The following COL9A1 variants were observed in gnomAD, a reference collection of about 807,000 sequenced individuals.
The protein encoded by COL9A1 is collagen alpha-1(IX) chain.
A neutral mutation model predicts 142.6 loss-of-function variants in COL9A1; 104 were observed. The ratio of observed to expected loss-of-function variants is 0.73; its 90% CI spans 0.62 to 0.86. COL9A1 has a LOEUF of 0.86. Ranked by LOEUF, COL9A1 falls within the 40% of genes least tolerant of loss-of-function variation. The pLI is 0.00. For missense variants in COL9A1, 1,210 were observed against 1,176.6 expected (o/e 1.03, Z -0.42); for synonymous variants, 466 against 396.0 (o/e 1.18, Z -2.10).
intron 10 of COL9A1, 70 bp downstream of exon 10, chr6:70,280,742 C>T (rs1302280894): frequency 4.6e-6 from 7 of 1,519,704 alleles, no homozygotes; most frequent in Non-Finnish European, 6.3e-6. Flanking sequence ...TCCCCCCCCA[C>T]AAAACACACA....
At chr6:70,280,784 G>A (rs753367509) in intron 10 of COL9A1, 28 bp downstream of exon 10, 1 of 1,604,690 alleles carries the variant, frequency 6.2e-7, no homozygotes, top group Admixed American at 1.7e-5. Flanking sequence ...CCCCAGGCTG[G>A]GCGCCCTCCC....
intron 25 of COL9A1, 109 bp downstream of exon 25, chr6:70,254,367 T>C (rs1485496761): frequency 2.1e-6 from 2 of 946,638 alleles, no homozygotes; most frequent in African/African-American, 3.3e-5. Context: ...AAGTAAAACA[T>C]CATATCTTCC....
chr6:70,271,808 A>C (rs1772420346), intron 13 of COL9A1, 100 bp from the exon 14 acceptor site: 1 of 1,257,648 alleles, frequency 8.0e-7, no homozygotes, highest in African/African-American at 1.5e-5. Flanking sequence ...ACATTTCTGT[A>C]TTAGCTTTGG....
chr6:70,220,248 C>A (rs918281575), intron 37 of COL9A1, among the ~76,000 whole-genome samples: 1 of 152,100 alleles, frequency 6.6e-6, no homozygotes, highest in Non-Finnish European at 1.5e-5. Context: ...TTTTCTCATG[C>A]ATAAACTGAG....
chr6:70,293,406 T>A (rs1773724766), intron 5 of COL9A1, among the ~76,000 whole-genome samples: 1 of 152,162 alleles, frequency 6.6e-6, no homozygotes, highest in South Asian at 2.1e-4. Context: ...TGTGTCAACA[T>A]GTAATTCCTT....
Position 70,283,728 on chromosome 6 carries a change from G to T in COL9A1, c.780+9C>A. ...AGAAGTGGCCTTTGCAGGTAGTCAGGGGACTCACCGTTATTCTGGCTGGCA... is the reference window on the plus strand; with the variant it reads ...AGAAGTGGCCTTTGCAGGTAGTCAGTGGACTCACCGTTATTCTGGCTGGCA... On this transcript the variant is annotated intron_variant, in intron 6 of 37. Transcript: ENST00000357250. 6.2e-7 allele frequency: 1 copy of T among 1,607,578 alleles called. No homozygotes were observed. The highest frequency in any genetic ancestry group is 1.3e-5 in the African/African-American group (1 of 74,892).
At chr6:70,273,977 A>AAAG in intron 12 of COL9A1, 70 bp downstream of exon 12, 1 of 849,158 alleles carries the variant, frequency 1.2e-6, no homozygotes, top group Admixed American at 3.2e-5. Context: ...ATAAATAAAA[A>AAAG]GATTTCACAA....
rs1208726729 is a variant in COL9A1 at position 70,300,090 on chromosome 6, C to G, written c.252G>C (p.Gln84His). 4 of 1,613,916 alleles carry G rather than the reference C, an allele frequency of 2.5e-6. No individual in the cohort carries two copies. Among genetic ancestry groups the G allele is most frequent in the East Asian group, 2.2e-5 (1 of 44,858 alleles). Residue 84 changes from glutamine (Q) to histidine (H), a missense_variant, in exon 4 of 38, where the codon CAG becomes CAC. Physicochemically the swap from Gln to His is conservative, Grantham distance 24 (BLOSUM62 0). Coordinates refer to ENST00000357250, the MANE Select transcript of COL9A1 (RefSeq NM_001851.6). ...IQRVVGSATL[Q>H]VAYKLGNNVD... ...CATTATTTCCCAACTTGTAAGCCAC[C>G]TGCAATGTAGCTGATCCCACTACTC...
intron 7 of COL9A1, 116 bp from the exon 8 acceptor site, chr6:70,281,580 C>T (rs1773171124): frequency 2.6e-6 from 2 of 758,340 alleles, no homozygotes; most frequent in Non-Finnish European, 4.2e-6. Context: ...CAGAGGAGGC[C>T]GGGTTTTGCA....
rs1012515482 is a variant in COL9A1, at chr6:70,242,676, G to A, written c.1912C>T (p.Leu638=). The change falls in exon 29 of 38, where the codon CTA becomes TTA. Residue 638 remains leucine, a synonymous_variant. Transcript: ENST00000357250. ...GELGPVGSPG[L]PGKLGSLGSP... is the part of the protein sequence containing the mutation. ...TTTCTACTTACCAGTTTACCTGGTA[G>A]GCCTGGGGATCCCACTGGTCCTAAT... The A allele has an allele frequency of 1.9e-6, 3 of 1,613,950 alleles. No homozygotes were observed. Among genetic ancestry groups the A allele is most frequent in the Non-Finnish European group, 2.5e-6 (3 of 1,179,940 alleles).
At chr6:70,281,627 G>C (rs1269921025) in intron 7 of COL9A1, among the ~76,000 whole-genome samples, 163 bp from the exon 8 acceptor site, 1 of 152,134 alleles carries the variant, frequency 6.6e-6, no homozygotes, top group East Asian at 1.9e-4. Context: ...CCAAGCAAGC[G>C]CAGCTTTGGT....
At chr6:70,235,150 A>T (rs1431001342) in intron 33 of COL9A1, among the ~76,000 whole-genome samples, 1 of 152,214 alleles carries the variant, frequency 6.6e-6, no homozygotes, top group Non-Finnish European at 1.5e-5. Flanking sequence ...GTTCAAGTTA[A>T]CTTTCAATAT....
intron 2 of COL9A1, among the ~76,000 whole-genome samples, chr6:70,301,553 G>A (rs1448450945): frequency 6.6e-6 from 1 of 152,186 alleles, no homozygotes; most frequent in Non-Finnish European, 1.5e-5. Flanking sequence ...TTCCAGCCTA[G>A]GTGACAGAGT....
intron 37 of COL9A1, among the ~76,000 whole-genome samples, chr6:70,224,003 A>G: frequency 6.6e-6 from 1 of 152,230 alleles, no homozygotes; most frequent in Non-Finnish European, 1.5e-5. Flanking sequence ...TGATCCCAGG[A>G]AAGCAGGGGC....
At chr6:70,235,342 A>G (rs908270384) in intron 33 of COL9A1, among the ~76,000 whole-genome samples, 2 of 152,080 alleles carry the variant, frequency 1.3e-5, no homozygotes, top group African/African-American at 4.8e-5. Flanking sequence ...TGTCCCACCT[A>G]CTTGGGAAGC....
At position 70,281,370 on chromosome 6, in the gene COL9A1, G is replaced by A. The variant is rs1042117641; in HGVS notation, c.876+20C>T. The A allele has an allele frequency of 6.2e-7, 1 of 1,610,728 alleles. No homozygotes were observed. The highest frequency in any genetic ancestry group is 1.3e-5 in the African/African-American group (1 of 74,658). The stretch of plus-strand genomic sequence containing the variant: ...AGGGCAGGACTGGGGAACAGAGGTG[G>A]CCTGGAGATAGAAACTTACGTCGAT... On this transcript the variant is annotated intron_variant, in intron 8 of 37. Coordinates refer to ENST00000357250, the MANE Select transcript of COL9A1 (RefSeq NM_001851.6).
intron 13 of COL9A1, 35 bp downstream of exon 13, chr6:70,272,030 G>C: frequency 1.3e-6 from 2 of 1,594,234 alleles, no homozygotes; most frequent in Non-Finnish European, 8.6e-7. Flanking sequence ...CATTTTTATA[G>C]ACTGCATAAA....
At chr6:70,216,045 A>G (rs1337085205), downstream of COL9A1, 5 of 152,530 alleles carry the variant, frequency 3.3e-5, no homozygotes, top group Non-Finnish European at 5.9e-5. Context: ...ACCAGTAGTT[A>G]AGTAATGTTT....
At chr6:70,263,133 A>G (rs952344941) in intron 19 of COL9A1, 111 bp downstream of exon 19, 1 of 824,732 alleles carries the variant, frequency 1.2e-6, no homozygotes, top group African/African-American at 1.7e-5. Context: ...AGAGGACACC[A>G]AGTTCATGTA....
Sources: gnomAD v4.1 joint callset for allele counts (sites outside exome capture counted in the v4.1 genomes callset) on GRCh38, gnomAD v4.1.1 for gene constraint, MANE v1.5 for transcripts, NCBI Gene and HGNC (gene_info 2026-07-23, HGNC 2026-07-21) for gene names.